Variants in NPAS3 observed in about 807,000 individuals in gnomAD.
NPAS3 encodes the protein neuronal PAS domain-containing protein 3.
Under a neutral mutation model 73.1 loss-of-function variants are expected in NPAS3, and 14 were observed. That is an observed-to-expected ratio of 0.19 (90% CI 0.13 to 0.30). The LOEUF is 0.30. NPAS3 is among the 10% of genes least tolerant of loss of function. NPAS3 has a pLI of 1.00. For missense variants in NPAS3, 1,096 were observed against 1,250.0 expected, an observed-to-expected ratio of 0.88 and a Z score of 1.86; for synonymous variants, 620 against 541.5, an observed-to-expected ratio of 1.14 and a Z score of -2.01.
chr14:33,411,908 T>C (rs2047944089), intron 4 of NPAS3, among the ~76,000 whole-genome samples: 1 of 152,184 alleles, frequency 6.6e-6, no homozygotes, highest in South Asian at 2.1e-4. Flanking sequence ...TTTAGCCTTG[T>C]CTGGTACTTT....
intron 2 of NPAS3, among the ~76,000 whole-genome samples, chr14:33,145,898 A>C (rs2044221682): frequency 6.6e-6 from 1 of 152,118 alleles, no homozygotes; most frequent in African/African-American, 2.4e-5. Flanking sequence ...AATTATTTTC[A>C]AAGAAAATAT....
intron 1 of NPAS3, among the ~76,000 whole-genome samples, chr14:33,031,005 G>T (rs572745218): frequency 6.6e-6 from 1 of 152,094 alleles, no homozygotes; most frequent in Non-Finnish European, 1.5e-5. Flanking sequence ...TTCAATCTCC[G>T]TATGAGGCCA....
At position 33,769,756 on chromosome 14, in the gene NPAS3, C is replaced by CTTTTTTTTTTTTT. The variant is rs916953785; in HGVS notation, c.853-4567_853-4555dup. On this transcript the variant is annotated intron_variant, in intron 7 of 11. Coordinates refer to ENST00000356141, the Ensembl canonical transcript of NPAS3. ...CCTGAAAGACTTGGATTTTTTTTTT[C>CTTTTTTTTTTTTT]TTTTTTTTTTTTTTTTTTTTTTTTT... Among the ~76,000 whole-genome samples, 20 of 81,882 alleles carry CTTTTTTTTTTTTT rather than the reference C, an allele frequency of 2.4e-4. 2 individuals are homozygous for CTTTTTTTTTTTTT. Among genetic ancestry groups the CTTTTTTTTTTTTT allele is most frequent in the African/African-American group, 3.7e-4 (8 of 21,466 alleles). The allele number at this position is 81,882 out of a possible 152,430, so 53.7% of individuals were successfully genotyped here.
At chr14:33,091,624 G>A (rs1412565339) in intron 2 of NPAS3, among the ~76,000 whole-genome samples, 3 of 150,786 alleles carry the variant, frequency 2.0e-5, no homozygotes, top group Admixed American at 6.6e-5. Flanking sequence ...GAGGGAATGA[G>A]GCCAGCATCA....
chr14:33,016,405 GGAATGAATGAAT>G (rs67545917), intron 1 of NPAS3, among the ~76,000 whole-genome samples: 4 of 150,358 alleles, frequency 2.7e-5, no homozygotes, highest in Non-Finnish European at 4.4e-5. Context: ...CAATATTCAT[GGAATGAATGAAT>G]GAATGAATGA....
intron 4 of NPAS3, among the ~76,000 whole-genome samples, chr14:33,447,128 A>G (rs569942850): frequency 6.6e-5 from 10 of 152,358 alleles, no homozygotes; most frequent in Middle Eastern, 3.4e-3. Context: ...GTGCTATCAC[A>G]TGGGCATATG....
At chr14:33,061,716 C>T (rs1278093190) in intron 2 of NPAS3, among the ~76,000 whole-genome samples, 1 of 152,146 alleles carries the variant, frequency 6.6e-6, no homozygotes, top group Non-Finnish European at 1.5e-5. Flanking sequence ...CTTTTCTACA[C>T]GAACTGTTCT....
chr14:33,308,762 C>T (rs1418969918), intron 3 of NPAS3, among the ~76,000 whole-genome samples: 1 of 151,784 alleles, frequency 6.6e-6, no homozygotes, highest in South Asian at 2.1e-4. Context: ...AATAACTGTT[C>T]ACCACAACAT....
intron 5 of NPAS3, among the ~76,000 whole-genome samples, chr14:33,597,794 A>T (rs1256036049): frequency 6.6e-6 from 1 of 152,222 alleles, no homozygotes; most frequent in African/African-American, 2.4e-5. Flanking sequence ...CTGGTTTTTT[A>T]AAGGGTAAAT....
chr14:33,379,847 C>T (rs1048828200), intron 4 of NPAS3, among the ~76,000 whole-genome samples: 7 of 152,068 alleles, frequency 4.6e-5, no homozygotes, highest in African/African-American at 1.7e-4. Context: ...GAGAAAAGAT[C>T]TCTAAATACA....
rs200210689 is a variant in NPAS3 at position 33,528,351 on chromosome 14, TG to T, written c.469-31766del. Reference sequence around the variant, plus strand: ...ATGTGAGAAGCCTCATGCCATGCTCTGGGGACAAAAGGAAGAAGAAGACAGC... The same window carrying T: ...ATGTGAGAAGCCTCATGCCATGCTCTGGGACAAAAGGAAGAAGAAGACAGC... On this transcript the variant is annotated intron_variant, in intron 4 of 11. Transcript: ENST00000356141. Among the ~76,000 whole-genome samples the T allele has an allele frequency of 6.3e-3, 956 of 151,896 alleles. 12 individuals carry two copies. Among genetic ancestry groups the T allele is most frequent in the African/African-American group, 0.022 (900 of 41,456 alleles).
chr14:33,016,629 A>C (rs998513852), intron 1 of NPAS3, among the ~76,000 whole-genome samples: 8 of 151,826 alleles, frequency 5.3e-5, no homozygotes, highest in Non-Finnish European at 1.2e-4. Context: ...AAAAAAAAAA[A>C]AAACGACCTA....
intron 3 of NPAS3, among the ~76,000 whole-genome samples, chr14:33,286,564 T>G (rs900310302): frequency 3.3e-5 from 5 of 152,192 alleles, no homozygotes; most frequent in African/African-American, 1.2e-4. Context: ...CTTGTGGGGT[T>G]ACCGAATATC....
chr14:33,641,544 G>T (rs1391853898), intron 5 of NPAS3, among the ~76,000 whole-genome samples: 2 of 152,104 alleles, frequency 1.3e-5, no homozygotes, highest in South Asian at 2.1e-4. Flanking sequence ...TGATTCTTTT[G>T]ACTGTGTCTG....
At chr14:33,491,605 A>G (rs921028245) in intron 4 of NPAS3, among the ~76,000 whole-genome samples, 8 of 152,188 alleles carry the variant, frequency 5.3e-5, no homozygotes, top group African/African-American at 1.9e-4. Context: ...TAGCTCTAGT[A>G]TCATAATCAC....
chr14:33,189,957 G>A (rs17100345), intron 2 of NPAS3, among the ~76,000 whole-genome samples: 17,128 of 151,998 alleles, frequency 0.11, 1,028 homozygotes, highest in African/African-American at 0.15. Context: ...TCTCACAATC[G>A]GATGAGGGAT....
chr14:33,143,320 C>T (rs984438251), intron 2 of NPAS3, among the ~76,000 whole-genome samples: 3 of 151,982 alleles, frequency 2.0e-5, no homozygotes, highest in Admixed American at 6.6e-5. Flanking sequence ...GGTGAAACCC[C>T]GTTTCTACTA....
Position 33,399,659 on chromosome 14 carries a change from G to GT in NPAS3, c.468+32403dup, listed in dbSNP as rs5807726. ...CTTGATTAGTTGTAGATGAAGCTGG[G>GT]TTTTTTTTTTTTCTTTATGCCACAG... On this transcript the variant is annotated intron_variant, in intron 4 of 11. Coordinates refer to ENST00000356141, the Ensembl canonical transcript of NPAS3. 8.4e-3 allele frequency among the ~76,000 whole-genome samples: 1,235 copies of GT among 146,276 alleles called. 15 individuals are homozygous for GT. The highest frequency in any genetic ancestry group is 0.026 in the African/African-American group (1,053 of 40,324).
intron 2 of NPAS3, among the ~76,000 whole-genome samples, chr14:33,191,831 C>A (rs1172981200): frequency 6.6e-6 from 1 of 152,136 alleles, no homozygotes; most frequent in Non-Finnish European, 1.5e-5. Context: ...TATTTTATTT[C>A]CAAATTTATG....
Sources: allele counts gnomAD v4.1 joint callset (sites outside exome capture counted in the v4.1 genomes callset), GRCh38; gene constraint gnomAD v4.1.1; transcripts MANE v1.5; gene names NCBI Gene and HGNC (gene_info 2026-07-23, HGNC 2026-07-21).